The following CACNB4 variants were observed in gnomAD, a reference collection of about 807,000 sequenced individuals.
The protein encoded by CACNB4 is calcium voltage-gated channel auxiliary subunit beta 4.
Under a neutral mutation model 71.2 loss-of-function variants are expected in CACNB4, and 32 were observed. The ratio of observed to expected loss-of-function variants is 0.45; its 90% CI spans 0.34 to 0.60. The LOEUF (loss-of-function observed/expected upper bound fraction) is 0.60. CACNB4 is among the 20% of genes least tolerant of loss of function. CACNB4 has a pLI of 0.01. For synonymous variants in CACNB4, 231 were observed against 236.9 expected, an observed-to-expected ratio of 0.97 and a Z score of 0.23; for missense variants, 464 against 647.9, an observed-to-expected ratio of 0.72 and a Z score of 3.08.
Position 152,098,854 on chromosome 2 carries a change from G to T in CACNB4, c.63+95C>A. 9.1e-7 allele frequency: 1 copy of T among 1,102,256 alleles called. No homozygotes were observed. The highest frequency in any genetic ancestry group is 1.3e-6 in the Non-Finnish European group (1 of 788,398). 68.3% of individuals were successfully genotyped at this position (1,102,256 alleles called of 1,614,324 possible). A position where few individuals can be genotyped will look rare whatever the true frequency, so the allele number is the denominator to read the frequency against. ...CGCCGACTCCCGGGACTGGGGCCCC[G>T]CACGCCCGGCACGAAGGCGGGGCGC... is the stretch of plus-strand genomic sequence containing the variant. On this transcript the variant is annotated intron_variant, in intron 1 of 13. Transcript: ENST00000539935. The surrounding 1 kb of genome is among the most constrained non-coding windows in gnomAD (Gnocchi z 5.3).
chr2:152,023,012 A>G (rs62175073), intron 2 of CACNB4, among the ~76,000 whole-genome samples: 11,278 of 152,120 alleles, frequency 0.074, 437 homozygotes, highest in African/African-American at 0.085. Flanking sequence ...TCATTGACTC[A>G]CAGTTCTGCA....
At chr2:151,876,874 A>G in intron 4 of CACNB4, among the ~76,000 whole-genome samples, 1 of 139,912 alleles carries the variant, frequency 7.1e-6, no homozygotes, top group Non-Finnish European at 1.6e-5. Flanking sequence ...TCTATACTAT[A>G]TTATACTATA....
At chr2:151,940,714 A>C (rs913175040) in intron 2 of CACNB4, among the ~76,000 whole-genome samples, 5 of 152,172 alleles carry the variant, frequency 3.3e-5, no homozygotes, top group African/African-American at 1.2e-4. Flanking sequence ...AAGGAATACA[A>C]GGGAGGGTTA....
intron 13 of CACNB4, chr2:151,841,656 G>T (rs776629178): frequency 2.3e-6 from 1 of 434,112 alleles, no homozygotes; most frequent in Non-Finnish European, 4.1e-6. Flanking sequence ...GACATAGGAG[G>T]AGTTAATTTA....
chr2:151,843,408 G>C (rs992327869), intron 12 of CACNB4, among the ~76,000 whole-genome samples: 84 of 152,176 alleles, frequency 5.5e-4, no homozygotes, highest in African/African-American at 2.0e-3. Flanking sequence ...TGGAACACCT[G>C]GGCTCTAGCG....
At chr2:151,877,280 C>CAGCCACAGACAAACATCAACAAGT (rs1324273718) in intron 4 of CACNB4, among the ~76,000 whole-genome samples, 1 of 152,110 alleles carries the variant, frequency 6.6e-6, no homozygotes, top group East Asian at 1.9e-4. Context: ...TGTGTGAAAG[C>CAGCCACAGACAAACATCAACAAGT]AGCCACAGAC....
At chr2:151,842,152 T>C in intron 12 of CACNB4, 64 bp from the exon 13 acceptor site, 1 of 1,356,108 alleles carries the variant, frequency 7.4e-7, no homozygotes, top group Non-Finnish European at 1.0e-6. Context: ...AACCTAAAAT[T>C]CCACTTAACA....
intron 2 of CACNB4, chr2:151,972,167 G>A (rs1263684421): frequency 6.6e-6 from 1 of 152,460 alleles, no homozygotes; most frequent in Non-Finnish European, 1.5e-5. Flanking sequence ...CAAGGAGCTG[G>A]ATTTATTAGT....
At chr2:151,910,654 T>C (rs1259390293) in intron 2 of CACNB4, among the ~76,000 whole-genome samples, 1 of 152,224 alleles carries the variant, frequency 6.6e-6, no homozygotes, top group Non-Finnish European at 1.5e-5. Context: ...CCCATTAGTC[T>C]ATACGTCTGT....
rs1307651325 is a variant in CACNB4 at position 151,834,753 on chromosome 2, A to G, written c.*4366T>C. ...AAAGAAGAGGACTGTTCTCTGCCCC[A>G]TAGACACAGCTTGAGTAAGTAACTT... On this transcript the variant is annotated 3_prime_UTR_variant, in exon 14 of 14. Transcript: ENST00000539935. 1 of 151,932 alleles carries G rather than the reference A, an allele frequency of 6.6e-6. No individual in the cohort carries two copies. 9.4% of individuals were successfully genotyped at this position (151,932 alleles called of 1,614,324 possible).
intron 11 of CACNB4, chr2:151,853,867 T>C (rs1213181343): frequency 5.5e-6 from 1 of 183,114 alleles, no homozygotes; most frequent in Non-Finnish European, 1.1e-5. Flanking sequence ...TTATGTTAAG[T>C]AATACTTTAA....
intron 2 of CACNB4, among the ~76,000 whole-genome samples, chr2:152,035,651 C>CTCTCTCTCTA (rs796161186): frequency 0.046 from 5,453 of 117,794 alleles, 218 homozygotes; most frequent in African/African-American, 0.078. Flanking sequence ...CTCTCTCTCT[C>CTCTCTCTCTA]TATATATATA....
At chr2:151,921,763 C>G (rs2099859077) in intron 2 of CACNB4, among the ~76,000 whole-genome samples, 1 of 152,180 alleles carries the variant, frequency 6.6e-6, no homozygotes, top group Non-Finnish European at 1.5e-5. Flanking sequence ...TTTTCCCTTG[C>G]TGTTCTTGTG....
intron 2 of CACNB4, among the ~76,000 whole-genome samples, chr2:152,089,968 T>C (rs997870632): frequency 6.6e-6 from 1 of 152,142 alleles, no homozygotes; most frequent in Non-Finnish European, 1.5e-5. Flanking sequence ...GAATGGGACC[T>C]GCATGCCCCA....
rs2099834542 is a variant in CACNB4 at position 151,834,792 on chromosome 2, G to T, written c.*4327C>A. The T allele has an allele frequency of 6.6e-6, 1 of 151,740 alleles. No individual in the cohort carries two copies. Among genetic ancestry groups the T allele is most frequent in the African/African-American group, 2.4e-5 (1 of 41,360 alleles). The allele number at this position is 151,740 out of a possible 1,614,324, so 9.4% of individuals were successfully genotyped here. A position where few individuals can be genotyped will look rare whatever the true frequency, so the allele number is the denominator to read the frequency against. On this transcript the variant is annotated 3_prime_UTR_variant, in exon 14 of 14. Transcript: ENST00000539935. Reference sequence around the variant, plus strand: ...AGTAAGTAACTTACTAACAGTTATAGTATTGACAGTATTTAAAGGTATGAG... The same window carrying T: ...AGTAAGTAACTTACTAACAGTTATATTATTGACAGTATTTAAAGGTATGAG...
chr2:151,931,022 G>T (rs2099861513), intron 2 of CACNB4, among the ~76,000 whole-genome samples: 1 of 152,036 alleles, frequency 6.6e-6, no homozygotes, highest in South Asian at 2.1e-4. Context: ...TTTTTATCAT[G>T]ATCTTTTAAA....
At chr2:152,029,828 C>T (rs1006437254) in intron 2 of CACNB4, among the ~76,000 whole-genome samples, 3 of 152,192 alleles carry the variant, frequency 2.0e-5, no homozygotes, top group African/African-American at 7.2e-5. Context: ...AGGCACCATC[C>T]ATGAACCAGA....
intron 2 of CACNB4, among the ~76,000 whole-genome samples, chr2:151,996,094 A>G (rs1015129803): frequency 6.6e-6 from 1 of 152,234 alleles, no homozygotes; most frequent in Non-Finnish European, 1.5e-5. Context: ...GTAATCCTTC[A>G]GACAATTCAC....
rs1437712455 is a variant in CACNB4, at chr2:151,841,799, T to C, written c.1302+104A>G. ...TTTTAAATATAATGTGCACATAGTG[T>C]TCCCTCTTCAGATTAAGGATGACTC... is the stretch of plus-strand genomic sequence containing the variant. On this transcript the variant is annotated intron_variant, in intron 13 of 13. Transcript: ENST00000539935. The C allele has an allele frequency of 4.4e-5, 41 of 923,202 alleles. 1 individual carries two copies. The highest frequency in any genetic ancestry group is 6.6e-5 in the Non-Finnish European group (38 of 577,216). The allele number at this position is 923,202 out of a possible 1,614,324, so 57.2% of individuals were successfully genotyped here.
Sources: gnomAD v4.1 joint callset for allele counts (sites outside exome capture counted in the v4.1 genomes callset) on GRCh38, gnomAD v4.1.1 for gene constraint, Gnocchi (gnomAD v3.1) non-coding constraint, MANE v1.5 for transcripts, NCBI Gene and HGNC (gene_info 2026-07-23, HGNC 2026-07-21) for gene names.